Variants in DENND2B observed in about 807,000 individuals in gnomAD.
DENND2B encodes DENN domain-containing protein 2B.
A neutral mutation model predicts 116.0 loss-of-function variants in DENND2B; 32 were observed. That is an observed-to-expected ratio of 0.28 (90% CI 0.21 to 0.37). DENND2B has a LOEUF of 0.37. DENND2B is among the 10% of genes least tolerant of loss of function. DENND2B has a pLI of 1.00. For synonymous variants in DENND2B, 588 were observed against 583.9 expected (o/e 1.01, Z -0.10); for missense variants, 1,276 against 1,477.7 (o/e 0.86, Z 2.24).
At chr11:8,697,948 T>A in intron 16 of DENND2B, 1 of 481,772 alleles carries the variant, frequency 2.1e-6, no homozygotes, top group Non-Finnish European at 4.0e-6. Context: ...CCTGGGCAAC[T>A]TAGCAGGTCC....
At chr11:8,738,571 T>C (rs1276422517) in intron 2 of DENND2B, among the ~76,000 whole-genome samples, 3 of 152,178 alleles carry the variant, frequency 2.0e-5, no homozygotes, top group Non-Finnish European at 4.4e-5. Context: ...TTCTACTTCC[T>C]AACATCTCTC....
chr11:8,873,035 C>G (rs867180009), upstream of DENND2B, among the ~76,000 whole-genome samples: 1 of 152,168 alleles, frequency 6.6e-6, no homozygotes, highest in Non-Finnish European at 1.5e-5. Context: ...AAACGTGGAA[C>G]AAGAGAACTC....
chr11:8,765,525 G>A (rs189835722), intron 1 of DENND2B, among the ~76,000 whole-genome samples: 6 of 152,290 alleles, frequency 3.9e-5, no homozygotes, highest in Admixed American at 2.0e-4. Context: ...CAGTTGCTGT[G>A]ATAAAAAGCA....
In DENND2B at chr11:8,862,753, C is replaced by T. The variant is rs148411554; in HGVS notation, c.-249-5317G>A. On this transcript the variant is annotated intron_variant, in intron 2 of 6. Coordinates refer to the DENND2B transcript ENST00000524757. ...CTGGGTGATAAGCCGCAGAAAATAA[C>T]GCTGACCCACCAGGACCACAGCTCT... Among the ~76,000 whole-genome samples, 299 of 152,232 alleles carry T rather than the reference C, an allele frequency of 2.0e-3. 1 individual carries two copies. The highest frequency in any genetic ancestry group is 6.2e-3 in the African/African-American group (259 of 41,506).
At chr11:8,844,417 A>G (rs1010848217) in intron 3 of DENND2B, among the ~76,000 whole-genome samples, 3 of 151,554 alleles carry the variant, frequency 2.0e-5, no homozygotes, top group East Asian at 1.9e-4. Flanking sequence ...ATGTTTTATT[A>G]AAAATAAATA....
chr11:8,855,310 G>A (rs1301716207), intron 3 of DENND2B, among the ~76,000 whole-genome samples: 2 of 151,632 alleles, frequency 1.3e-5, no homozygotes, highest in Admixed American at 1.3e-4. Context: ...TCTCGCTCAG[G>A]CTGGCAATCT....
At chr11:8,717,704 A>G (rs2045187088) in intron 5 of DENND2B, 37 bp downstream of exon 5, 3 of 1,494,378 alleles carry the variant, frequency 2.0e-6, no homozygotes, top group Admixed American at 2.3e-5. Flanking sequence ...TGTGGCCCTC[A>G]CGCTAACCCT....
At chr11:8,905,859 T>TAC (rs2134768360) in intron 1 of DENND2B, among the ~76,000 whole-genome samples, 1 of 152,146 alleles carries the variant, frequency 6.6e-6, no homozygotes, top group Admixed American at 6.5e-5. Context: ...GAAGTATTGA[T>TAC]ACATGCTACG....
At chr11:8,745,800 G>A (rs1452345633) in intron 2 of DENND2B, among the ~76,000 whole-genome samples, 2 of 152,204 alleles carry the variant, frequency 1.3e-5, no homozygotes, top group Non-Finnish European at 2.9e-5. Context: ...ACGTGCAGGT[G>A]TTCCCTAGCT....
Position 8,702,489 on chromosome 11 carries a change from C to G in DENND2B, c.2720+83G>C. The G allele has an allele frequency of 6.3e-7, 1 of 1,584,334 alleles. No individual in the cohort carries two copies. The highest frequency in any genetic ancestry group is 8.5e-7 in the Non-Finnish European group (1 of 1,170,138). ...CTCCAGCACTGGTCTCCGGCGCCTGCTTAGGCTCCTGAACACTTGCTGATT... is the reference window on the plus strand; with the variant it reads ...CTCCAGCACTGGTCTCCGGCGCCTGGTTAGGCTCCTGAACACTTGCTGATT... On this transcript the variant is annotated intron_variant, in intron 14 of 19. Transcript: ENST00000313726. This position sits in a 1 kb window ranked among gnomAD's most constrained non-coding sequence, Gnocchi z 4.6.
At chr11:8,812,529 C>G (rs1022801284), upstream of DENND2B, among the ~76,000 whole-genome samples, 1 of 151,988 alleles carries the variant, frequency 6.6e-6, no homozygotes, top group Non-Finnish European at 1.5e-5. Context: ...ATTACTTGCC[C>G]CAGGTCATGG....
intron 11 of DENND2B, among the ~76,000 whole-genome samples, chr11:8,709,182 T>C (rs940318588): frequency 5.9e-5 from 9 of 152,182 alleles, no homozygotes; most frequent in Admixed American, 5.2e-4. Flanking sequence ...TGGCCACACG[T>C]CACAGATCTA....
chr11:8,801,689 A>AGAAAGAAAG (rs1555198989), intron 1 of DENND2B, among the ~76,000 whole-genome samples: 6 of 117,698 alleles, frequency 5.1e-5, no homozygotes, highest in South Asian at 3.1e-4. Flanking sequence ...AAAAAAAAAA[A>AGAAAGAAAG]AAAGAAAGAA....
chr11:8,716,231 C>T (rs2044746111), intron 5 of DENND2B, among the ~76,000 whole-genome samples: 1 of 152,190 alleles, frequency 6.6e-6, no homozygotes, highest in South Asian at 2.1e-4. Flanking sequence ...GAGGCCATAA[C>T]CTACTGGCCA....
chr11:8,800,655 T>C (rs1176825448), intron 1 of DENND2B, among the ~76,000 whole-genome samples: 1 of 152,158 alleles, frequency 6.6e-6, no homozygotes, highest in African/African-American at 2.4e-5. Context: ...GGCCCATAAA[T>C]TGGCACTGTT....
Position 8,880,738 on chromosome 11 carries a change from A to G in DENND2B, c.-156+272T>C, listed in dbSNP as rs2742538. ...AATAAAACTGACAGGCTTCACTACA[A>G]ACCTCCTCCTAATACTGAATACTGC... On this transcript the variant is annotated intron_variant, in intron 2 of 22. Transcript: ENST00000534127. 2.2e-3 allele frequency among the ~76,000 whole-genome samples: 335 copies of G among 152,222 alleles called. 2 individuals carry two copies. Among genetic ancestry groups the G allele is most frequent in the African/African-American group, 7.5e-3 (313 of 41,536 alleles).
chr11:8,781,147 C>T (rs1384702395), intron 1 of DENND2B, among the ~76,000 whole-genome samples: 2 of 152,084 alleles, frequency 1.3e-5, no homozygotes, highest in East Asian at 1.9e-4. Context: ...ACTGTGAGGC[C>T]GGAGCATTGA....
intron 4 of DENND2B, chr11:8,718,751 G>C: frequency 1.9e-6 from 2 of 1,062,570 alleles, no homozygotes; most frequent in Non-Finnish European, 2.3e-6. Context: ...CATTGTATTG[G>C]CATTACCAGA....
intron 2 of DENND2B, among the ~76,000 whole-genome samples, chr11:8,869,787 G>C (rs1472877979): frequency 2.0e-5 from 3 of 152,204 alleles, no homozygotes; most frequent in African/African-American, 7.2e-5. Context: ...TTCACTTCAT[G>C]CATTCAACAG....
Sources: allele counts gnomAD v4.1 joint callset (sites outside exome capture counted in the v4.1 genomes callset), GRCh38; gene constraint gnomAD v4.1.1; non-coding constraint Gnocchi (gnomAD v3.1); transcripts MANE v1.5; gene names NCBI Gene and HGNC (gene_info 2026-07-23, HGNC 2026-07-21).